CDON: variants seen among roughly 807,000 people sequenced by gnomAD.
CDON encodes the protein cell adhesion associated, oncogene regulated.
A neutral mutation model predicts 120.9 loss-of-function variants in CDON; 73 were observed. That is an observed-to-expected ratio of 0.60 (90% CI 0.50 to 0.73). The LOEUF is 0.73. Ranked by LOEUF, CDON falls within the 30% of genes least tolerant of loss-of-function variation. The pLI, the probability that CDON is intolerant of heterozygous loss-of-function variation, is 0.00. For synonymous variants in CDON, 566 were observed against 573.5 expected, an observed-to-expected ratio of 0.99 and a Z score of 0.19; for missense variants, 1,470 against 1,587.3, an observed-to-expected ratio of 0.93 and a Z score of 1.26.
At chr11:126,041,316 G>A (rs922409600) in intron 1 of CDON, among the ~76,000 whole-genome samples, 1 of 152,076 alleles carries the variant, frequency 6.6e-6, no homozygotes, top group Non-Finnish European at 1.5e-5. Flanking sequence ...AAATGACTTG[G>A]TGGGCTGCAA....
chr11:126,060,369 C>T (rs925882308), intron 1 of CDON, among the ~76,000 whole-genome samples: 1 of 152,180 alleles, frequency 6.6e-6, no homozygotes, highest in African/African-American at 2.4e-5. Context: ...CATACTTCTA[C>T]ATCATGCCAT....
chr11:126,010,816 T>C, intron 7 of CDON, 122 bp from the exon 8 acceptor site: 1 of 768,304 alleles, frequency 1.3e-6, no homozygotes. Flanking sequence ...GCTACCTCCT[T>C]ATTAGTTCCC....
At chr11:126,048,003 G>A (rs760246789) in intron 1 of CDON, among the ~76,000 whole-genome samples, 9 of 152,264 alleles carry the variant, frequency 5.9e-5, no homozygotes, top group Non-Finnish European at 8.8e-5. Context: ...TTCAGCCGTC[G>A]TGGTGGCTCC....
intron 1 of CDON, among the ~76,000 whole-genome samples, chr11:126,050,694 A>G (rs1948536276): frequency 1.3e-5 from 2 of 152,212 alleles, no homozygotes; most frequent in East Asian, 1.9e-4. Flanking sequence ...CAAACTCCTC[A>G]GCAGGGGACC....
intron 11 of CDON, among the ~76,000 whole-genome samples, chr11:125,999,417 C>T (rs1946874986): frequency 6.6e-6 from 1 of 152,202 alleles, no homozygotes; most frequent in African/African-American, 2.4e-5. Flanking sequence ...TCTCCACTTT[C>T]TGGACGATCT....
chr11:126,010,841 C>A, intron 7 of CDON, 147 bp from the exon 8 acceptor site: 1 of 704,440 alleles, frequency 1.4e-6, no homozygotes, highest in Non-Finnish European at 2.6e-6. Context: ...CAACTTTCAC[C>A]AAGTAAGACT....
intron 14 of CDON, among the ~76,000 whole-genome samples, chr11:125,992,406 T>A (rs543518962): frequency 6.6e-6 from 1 of 152,310 alleles, no homozygotes; most frequent in Non-Finnish European, 1.5e-5. Context: ...TACATAACTG[T>A]ACAGCTCAAT....
intron 1 of CDON, among the ~76,000 whole-genome samples, chr11:126,048,994 G>A (rs904296199): frequency 2.3e-4 from 35 of 152,264 alleles, no homozygotes; most frequent in African/African-American, 7.9e-4. Context: ...TGAGCCAACA[G>A]GCGTGAGCCA....
chr11:125,976,209 C>A (rs1946144875), intron 18 of CDON, among the ~76,000 whole-genome samples: 1 of 152,160 alleles, frequency 6.6e-6, no homozygotes, highest in Admixed American at 6.5e-5. Context: ...GACTTAAAAT[C>A]TTTAAATTTA....
chr11:125,962,081 G>A, intron 18 of CDON, 83 bp from the exon 19 acceptor site: 1 of 1,048,688 alleles, frequency 9.5e-7, no homozygotes, highest in Non-Finnish European at 1.5e-6. Flanking sequence ...ATATCATTTG[G>A]TATTCTGTAT....
rs566884109 is a variant in CDON, at chr11:125,974,196, G to A, written c.3356+4108C>T. On this transcript the variant is annotated intron_variant, in intron 18 of 19. Coordinates refer to ENST00000531738, the MANE Select transcript of CDON (RefSeq NM_001378964.1). ...CAGGCGTGAGCCACTGCACCCCGCC[G>A]ATTTATGTCATTTTCTTAAAAGATA... is the stretch of plus-strand genomic sequence containing the variant. Among the ~76,000 whole-genome samples, 7 of 151,938 alleles carry A rather than the reference G, an allele frequency of 4.6e-5. No homozygotes were observed. In the South Asian group the frequency reaches 8.3e-4, roughly 18 times the overall value.
chr11:126,008,087 A>G (rs1013645133), intron 8 of CDON, among the ~76,000 whole-genome samples: 9 of 152,196 alleles, frequency 5.9e-5, no homozygotes, highest in Admixed American at 5.9e-4. Context: ...TGCTGCCAGC[A>G]ACTCACAACC....
At chr11:126,051,772 C>A (rs1047764313) in intron 1 of CDON, among the ~76,000 whole-genome samples, 10 of 151,636 alleles carry the variant, frequency 6.6e-5, no homozygotes, top group African/African-American at 2.4e-4. Context: ...CTCAGCCTCC[C>A]GAGTAGCTGG....
chr11:126,051,704 A>G (rs1948563280), intron 1 of CDON, among the ~76,000 whole-genome samples: 1 of 149,538 alleles, frequency 6.7e-6, no homozygotes, highest in Admixed American at 6.7e-5. Flanking sequence ...CTGGAGTGCA[A>G]TGGTGCAATC....
At chr11:125,973,018 CTTTTTTTTTTT>C (rs35828939) in intron 18 of CDON, among the ~76,000 whole-genome samples, 2 of 87,068 alleles carry the variant, frequency 2.3e-5, no homozygotes, top group East Asian at 3.8e-4. Context: ...ATTACTTGGT[CTTTTTTTTTTT>C]TTTTTTTTTT....
Position 126,009,799 on chromosome 11 carries a change from C to T in CDON, c.1552+542G>A, listed in dbSNP as rs149716797. Among the ~76,000 whole-genome samples, 214 of 152,206 alleles carry T rather than the reference C, an allele frequency of 1.4e-3. 2 individuals are homozygous for T. Among genetic ancestry groups the T allele is most frequent in the African/African-American group, 4.6e-3 (191 of 41,524 alleles). Reference sequence around the variant, plus strand: ...GTCCATTTCCATGAATATTAATAGTCTATATACCAGTACATCAAAAATCAT... The same window carrying T: ...GTCCATTTCCATGAATATTAATAGTTTATATACCAGTACATCAAAAATCAT... On this transcript the variant is annotated intron_variant, in intron 8 of 19. Coordinates refer to ENST00000531738, the MANE Select transcript of CDON (RefSeq NM_001378964.1).
At chr11:125,978,483 T>C (rs968417640) in intron 17 of CDON, 100 bp from the exon 18 acceptor site, 36 of 774,390 alleles carry the variant, frequency 4.6e-5, no homozygotes, top group Non-Finnish European at 5.2e-5. Flanking sequence ...ATGAGCCATG[T>C]CAACCATAAA....
At chr11:125,971,415 A>AAATAAAT (rs1364923479) in intron 18 of CDON, among the ~76,000 whole-genome samples, 1 of 87,942 alleles carries the variant, frequency 1.1e-5, no homozygotes, top group Non-Finnish European at 2.8e-5. Context: ...AATAAATAAT[A>AAATAAAT]ATAATTAATG....
intron 18 of CDON, among the ~76,000 whole-genome samples, chr11:125,973,662 G>A (rs1194072748): frequency 1.3e-5 from 2 of 152,084 alleles, no homozygotes; most frequent in Non-Finnish European, 2.9e-5. Flanking sequence ...TGCTATGTTG[G>A]CCTTCTTTAA....
Sources: allele counts gnomAD v4.1 joint callset (sites outside exome capture counted in the v4.1 genomes callset), GRCh38; gene constraint gnomAD v4.1.1; transcripts MANE v1.5; gene names NCBI Gene and HGNC (gene_info 2026-07-23, HGNC 2026-07-21).